Variants in TRIM44 observed in about 807,000 individuals in gnomAD.
TRIM44 encodes tripartite motif containing 44.
TRIM44 carries 13 observed loss-of-function variants against 37.4 expected under a neutral mutation model. That is an observed-to-expected ratio of 0.35 (90% CI 0.23 to 0.55). The LOEUF (loss-of-function observed/expected upper bound fraction) is 0.55, where lower values mean the gene tolerates loss of function less well. Among genes scored for constraint, TRIM44 ranks in the 20% least tolerant of loss-of-function variants. The pLI, the probability that TRIM44 is intolerant of heterozygous loss-of-function variation, is 0.89. For synonymous variants in TRIM44, 175 were observed against 157.2 expected (o/e 1.11, Z -0.85); for missense variants, 426 against 437.2 (o/e 0.97, Z 0.23).
At chr11:35,775,022 G>C (rs1248130482) in intron 4 of TRIM44, among the ~76,000 whole-genome samples, 1 of 152,208 alleles carries the variant, frequency 6.6e-6, no homozygotes, top group Non-Finnish European at 1.5e-5. Context: ...TTGGTAGCTT[G>C]ATTGGGGATG....
intron 4 of TRIM44, among the ~76,000 whole-genome samples, chr11:35,736,599 G>C (rs745594166): frequency 4.6e-5 from 7 of 152,008 alleles, no homozygotes; most frequent in Non-Finnish European, 7.4e-5. Context: ...AGCGCCAAAT[G>C]TTGTCCCACA....
At chr11:35,732,686 A>G (rs1852277070) in intron 3 of TRIM44, among the ~76,000 whole-genome samples, 2 of 152,286 alleles carry the variant, frequency 1.3e-5, no homozygotes, top group South Asian at 2.1e-4. Context: ...CTTATTCAAG[A>G]TGTTAGTGAA....
At chr11:35,700,056 A>T (rs1217041006) in intron 2 of TRIM44, among the ~76,000 whole-genome samples, 1 of 152,218 alleles carries the variant, frequency 6.6e-6, no homozygotes, top group Non-Finnish European at 1.5e-5. Flanking sequence ...TGCCATCCCC[A>T]TGAAGCTACC....
rs986192736 is a variant in TRIM44 at position 35,807,915 on chromosome 11, G to A, written c.*1530G>A. On this transcript the variant is annotated 3_prime_UTR_variant, in exon 5 of 5. Transcript: ENST00000299413. ...GTGCCTCTGAGGCAGAACCAAAGGA[G>A]CCTGCACTGGGGGAAATCCCTTTTC... 2.6e-5 allele frequency: 4 copies of A among 152,172 alleles called. No homozygotes were observed. In the South Asian group the frequency reaches 6.2e-4, roughly 24 times the overall value. 9.4% of individuals were successfully genotyped at this position (152,172 alleles called of 1,614,324 possible). A position where few individuals can be genotyped will look rare whatever the true frequency, so the allele number is the denominator to read the frequency against.
At chr11:35,739,738 C>T (rs1269508891) in intron 4 of TRIM44, among the ~76,000 whole-genome samples, 1 of 152,112 alleles carries the variant, frequency 6.6e-6, no homozygotes, top group Non-Finnish European at 1.5e-5. Context: ...CTCCTCAGAT[C>T]CATGATACAC....
Position 35,685,289 on chromosome 11 carries a change from A to C in TRIM44, c.700A>C (p.Met234Leu), listed in dbSNP as rs372846940. 5.0e-6 allele frequency: 8 copies of C among 1,614,236 alleles called. No individual in the cohort carries two copies. Among genetic ancestry groups the C allele is most frequent in the Non-Finnish European group, 6.8e-6 (8 of 1,180,032 alleles). ...AGACTCAGGTGGACTGAAGGCCGCT[A>C]TGATCGAATTGGTGGAAAGGTTGAA... Reference protein sequence around the residue: ...SKDSGGLKAAMIELVERLKFK... With the variant: ...SKDSGGLKAALIELVERLKFK... The change falls in exon 2 of 5, where the codon ATG becomes CTG. Residue 234 changes from methionine to leucine, a missense_variant. Around this residue, in one of 2 missense-constraint regions of TRIM44, gnomAD observed 331 missense variants for 303.0 expected, o/e 1.09. Coordinates refer to ENST00000299413, the MANE Select transcript of TRIM44 (RefSeq NM_017583.6).
intron 2 of TRIM44, among the ~76,000 whole-genome samples, chr11:35,706,757 A>G (rs1259848195): frequency 3.3e-5 from 5 of 152,038 alleles, no homozygotes; most frequent in South Asian, 4.2e-4. Flanking sequence ...TTGATGGGAC[A>G]TATCTCAAAA....
At chr11:35,796,331 A>G (rs571245816) in intron 4 of TRIM44, among the ~76,000 whole-genome samples, 8 of 152,364 alleles carry the variant, frequency 5.3e-5, no homozygotes, top group African/African-American at 1.7e-4. Context: ...GATTAGAGAT[A>G]AGTGTCAAGT....
chr11:35,797,930 A>T (rs183356832), intron 4 of TRIM44, among the ~76,000 whole-genome samples: 5 of 152,346 alleles, frequency 3.3e-5, no homozygotes, highest in Admixed American at 2.0e-4. Flanking sequence ...GACAGGTCTC[A>T]GTCAATTTAA....
At chr11:35,723,080 C>T (rs1276974736) in intron 2 of TRIM44, among the ~76,000 whole-genome samples, 2 of 151,856 alleles carry the variant, frequency 1.3e-5, no homozygotes, top group Non-Finnish European at 2.9e-5. Flanking sequence ...CTCTCCCTCC[C>T]TCGTCTCTCT....
chr11:35,764,442 G>C (rs192048025), intron 4 of TRIM44, among the ~76,000 whole-genome samples: 1 of 152,260 alleles, frequency 6.6e-6, no homozygotes, highest in Non-Finnish European at 1.5e-5. Context: ...GAAAACACCT[G>C]CTATAGCCTC....
chr11:35,667,025 T>C (rs1851340108), intron 1 of TRIM44, among the ~76,000 whole-genome samples: 1 of 152,212 alleles, frequency 6.6e-6, no homozygotes, highest in African/African-American at 2.4e-5. Context: ...GTTGAATGGA[T>C]GTGGTTGGTG....
chr11:35,765,378 A>G lies in TRIM44; in HGVS notation c.1007+29933A>G, dbSNP rs148674135. The stretch of plus-strand genomic sequence containing the variant: ...CACATAGAGAAATGTGTTAAGTGCT[A>G]TGGGAAGCAGAGTAAAATATGACTA... On this transcript the variant is annotated intron_variant, in intron 4 of 4. Coordinates refer to ENST00000299413, the MANE Select transcript of TRIM44 (RefSeq NM_017583.6). 3.8e-3 allele frequency among the ~76,000 whole-genome samples: 581 copies of G among 152,318 alleles called. 1 individual carries two copies. The highest frequency in any genetic ancestry group is 6.9e-3 in the Non-Finnish European group (469 of 68,014).
intron 4 of TRIM44, among the ~76,000 whole-genome samples, chr11:35,806,083 G>A (rs1590614272): frequency 6.6e-6 from 1 of 152,158 alleles, no homozygotes; most frequent in East Asian, 1.9e-4. Context: ...CTCACGTACT[G>A]TATACCAGGT....
At chr11:35,699,656 T>A (rs1397409185) in intron 2 of TRIM44, among the ~76,000 whole-genome samples, 2 of 151,292 alleles carry the variant, frequency 1.3e-5, no homozygotes, top group Non-Finnish European at 2.9e-5. Flanking sequence ...AAAGAGGAAG[T>A]CAAATTGTCC....
intron 1 of TRIM44, among the ~76,000 whole-genome samples, chr11:35,666,828 A>G (rs982056028): frequency 6.0e-5 from 9 of 150,092 alleles, no homozygotes; most frequent in Non-Finnish European, 1.3e-4. Flanking sequence ...ACTTTTATAT[A>G]TTGTTTTTTT....
At chr11:35,683,235 G>A (rs1477312839) in intron 1 of TRIM44, among the ~76,000 whole-genome samples, 1 of 152,054 alleles carries the variant, frequency 6.6e-6, no homozygotes, top group Non-Finnish European at 1.5e-5. Flanking sequence ...AAAATTAGTG[G>A]AGGATATAGG....
At chr11:35,704,991 A>G (rs2135503489) in intron 2 of TRIM44, among the ~76,000 whole-genome samples, 1 of 148,606 alleles carries the variant, frequency 6.7e-6, no homozygotes, top group South Asian at 2.2e-4. Flanking sequence ...GTCAAGACCC[A>G]TCAGTGTGCT....
At chr11:35,674,563 G>A (rs3843615) in intron 1 of TRIM44, among the ~76,000 whole-genome samples, 1 of 152,062 alleles carries the variant, frequency 6.6e-6, no homozygotes, top group Non-Finnish European at 1.5e-5. Flanking sequence ...TTTTGGTAAG[G>A]TAATAATTGG....
Sources: gnomAD v4.1 joint callset for allele counts (sites outside exome capture counted in the v4.1 genomes callset) on GRCh38, gnomAD v4.1.1 for gene constraint, gnomAD v4.1.1 regional missense constraint, MANE v1.5 for transcripts, NCBI Gene and HGNC (gene_info 2026-07-23, HGNC 2026-07-21) for gene names.